Variants in SOX13 observed in about 807,000 individuals in gnomAD.
SOX13 encodes transcription factor SOX-13.
In SOX13, 28 loss-of-function variants were observed where a neutral mutation model predicts 71.8. That is an observed-to-expected ratio of 0.39 (90% CI 0.29 to 0.53). The LOEUF is 0.53. Ranked by LOEUF, SOX13 falls within the 20% of genes least tolerant of loss-of-function variation. The pLI, the probability that SOX13 is intolerant of heterozygous loss-of-function variation, is 0.70. For synonymous variants in SOX13, 309 were observed against 317.8 expected (o/e 0.97, Z 0.29); for missense variants, 627 against 810.3 (o/e 0.77, Z 2.75).
At position 204,114,368 on chromosome 1, in the gene SOX13, A is replaced by G; in HGVS notation, c.267A>G (p.Pro89=). ...ATGGGTCCCCAGAACCCAAGAGACC[A>G]GGAGTGTCGGAGGCTGCCTCTGGAA... The part of the protein sequence containing the change: ...EGNGSPEPKR[P]GVSEAASGSQ... Residue 89 remains proline, a synonymous_variant, in exon 3 of 14, where the codon CCA becomes CCG. Transcript: ENST00000367204. 1 of 1,612,206 alleles carries G rather than the reference A, an allele frequency of 6.2e-7. No individual in the cohort carries two copies. Among genetic ancestry groups the G allele is most frequent in the Non-Finnish European group, 8.5e-7 (1 of 1,179,158 alleles).
intron 1 of SOX13, among the ~76,000 whole-genome samples, chr1:204,110,590 T>G (rs1412912116): frequency 6.6e-6 from 1 of 152,128 alleles, no homozygotes; most frequent in Non-Finnish European, 1.5e-5. Flanking sequence ...ATATTTTTGA[T>G]CTGAGGTTGG....
At chr1:204,122,643 G>A in intron 9 of SOX13, 1 of 602,678 alleles carries the variant, frequency 1.7e-6, no homozygotes, top group Non-Finnish European at 3.0e-6. Flanking sequence ...GTCATTTCTA[G>A]TCTATTGACA....
Position 204,081,767 on chromosome 1 carries a change from G to A in SOX13, c.-2+8056G>A, listed in dbSNP as rs1655911792. Among the ~76,000 whole-genome samples the A allele has an allele frequency of 6.6e-6, 1 of 152,160 alleles. No homozygotes were observed. The highest frequency in any genetic ancestry group is 1.5e-5 in the Non-Finnish European group (1 of 68,024). ...GGGGTATGAGGTCCCCCACCCTCAT[G>A]CGAACAACCTCTCCCCACCCTCCAG... is the stretch of plus-strand genomic sequence containing the variant. On this transcript the variant is annotated intron_variant, in intron 1 of 13. Transcript: ENST00000367204. This position sits in a 1 kb window ranked among gnomAD's most constrained non-coding sequence, Gnocchi z 4.3.
chr1:204,115,664 T>C (rs1283278606), intron 4 of SOX13, among the ~76,000 whole-genome samples: 3 of 129,484 alleles, frequency 2.3e-5, no homozygotes, highest in Non-Finnish European at 3.3e-5. Context: ...CTTCTTTTTT[T>C]TTTTTTTTTT....
At chr1:204,125,836 G>T (rs367714624) in intron 13 of SOX13, 22 bp from the exon 14 acceptor site, 1 of 1,600,380 alleles carries the variant, frequency 6.2e-7, no homozygotes. Context: ...ATCCATCACC[G>T]TTCCCCTTCT....
chr1:204,111,311 A>C (rs759545196), intron 1 of SOX13, among the ~76,000 whole-genome samples: 15 of 152,230 alleles, frequency 9.9e-5, no homozygotes, highest in Non-Finnish European at 4.4e-5. Flanking sequence ...AGTACAGAGC[A>C]GCTAAGCAAC....
intron 7 of SOX13, among the ~76,000 whole-genome samples, chr1:204,121,497 T>C (rs976764360): frequency 2.0e-5 from 3 of 152,230 alleles, no homozygotes; most frequent in Non-Finnish European, 4.4e-5. Flanking sequence ...ACATACCATG[T>C]ATTATTGTCA....
Position 204,124,294 on chromosome 1 carries a change from T to C in SOX13, c.1376-347T>C, listed in dbSNP as rs575589475. ...TCTGTCAACTGAGACATCAGGTATTTTGTCCTGAGCAGGGAGCCTGTCTGG... is the reference window on the plus strand; with the variant it reads ...TCTGTCAACTGAGACATCAGGTATTCTGTCCTGAGCAGGGAGCCTGTCTGG... On this transcript the variant is annotated intron_variant, in intron 12 of 13. Coordinates refer to ENST00000367204, the MANE Select transcript of SOX13 (RefSeq NM_005686.3). Among the ~76,000 whole-genome samples, 8 of 152,332 alleles carry C rather than the reference T, an allele frequency of 5.3e-5. No homozygotes were observed. In the East Asian group the frequency reaches 1.2e-3, roughly 22 times the overall value.
Position 204,114,510 on chromosome 1 carries a change from G to C in SOX13, c.332-9G>C, listed in dbSNP as rs1223362968. The C allele has an allele frequency of 6.2e-7, 1 of 1,613,320 alleles. No individual in the cohort carries two copies. The highest frequency in any genetic ancestry group is 1.7e-5 in the Admixed American group (1 of 60,020). On this transcript the variant is annotated splice_polypyrimidine_tract_variant and intron_variant, in intron 3 of 13. Coordinates refer to ENST00000367204, the MANE Select transcript of SOX13 (RefSeq NM_005686.3). The stretch of plus-strand genomic sequence containing the variant: ...GACGGTTATTCCTCACCCCTTTGCT[G>C]TCTTCCAGTGGTGCCAGCCATAGAG...
intron 1 of SOX13, among the ~76,000 whole-genome samples, chr1:204,079,886 GCCT>G (rs71568016): frequency 0.095 from 14,424 of 152,152 alleles, 793 homozygotes; most frequent in Non-Finnish European, 0.12. Flanking sequence ...GGTTTCCCCT[GCCT>G]CCTCCTAAGG....
chr1:204,110,041 A>G (rs893830968), intron 1 of SOX13, among the ~76,000 whole-genome samples: 1 of 151,858 alleles, frequency 6.6e-6, no homozygotes, highest in Non-Finnish European at 1.5e-5. Flanking sequence ...CATGTTGGTC[A>G]GGCTGGTCTC....
chr1:204,105,479 C>T (rs1434374542), intron 1 of SOX13, among the ~76,000 whole-genome samples: 2 of 148,796 alleles, frequency 1.3e-5, no homozygotes, highest in African/African-American at 2.5e-5. Context: ...AATCTTGGCT[C>T]ACTGCAACCT....
chr1:204,115,833 A>AT (rs1656681785), intron 4 of SOX13, among the ~76,000 whole-genome samples: 1 of 150,946 alleles, frequency 6.6e-6, no homozygotes, highest in African/African-American at 2.4e-5. Context: ...TACCCGGCTA[A>AT]TTTTTGCATT....
intron 1 of SOX13, among the ~76,000 whole-genome samples, chr1:204,100,674 G>A (rs1348347849): frequency 1.3e-5 from 2 of 152,120 alleles, no homozygotes; most frequent in Non-Finnish European, 2.9e-5. Context: ...AATGGGAGAG[G>A]AAACGCAGCC....
At chr1:204,097,420 A>C in intron 1 of SOX13, among the ~76,000 whole-genome samples, 1 of 152,172 alleles carries the variant, frequency 6.6e-6, no homozygotes, top group South Asian at 2.1e-4. Context: ...GGCCGGGCTC[A>C]GTGGCTTATT....
At position 204,081,446 on chromosome 1, in the gene SOX13, G is replaced by C. The variant is rs981259334; in HGVS notation, c.-2+7735G>C. Among the ~76,000 whole-genome samples, 1 of 152,240 alleles carries C rather than the reference G, an allele frequency of 6.6e-6. No individual in the cohort carries two copies. The highest frequency in any genetic ancestry group is 1.5e-5 in the Non-Finnish European group (1 of 68,046). On this transcript the variant is annotated intron_variant, in intron 1 of 13. Transcript: ENST00000367204. The surrounding 1 kb of genome is among the most constrained non-coding windows in gnomAD (Gnocchi z 4.3). ...TAAGAGGGGATGTGGCAGGAAGAGT[G>C]GTTGTGCAAATGTGTCAGACTGGGC...
intron 1 of SOX13, among the ~76,000 whole-genome samples, chr1:204,111,268 T>TA (rs1332838512): frequency 6.6e-6 from 1 of 152,222 alleles, no homozygotes; most frequent in Non-Finnish European, 1.5e-5. Flanking sequence ...TAGAGACTCT[T>TA]ACCATGCTCA....
chr1:204,108,923 A>T (rs552624078), intron 1 of SOX13, among the ~76,000 whole-genome samples: 3 of 152,310 alleles, frequency 2.0e-5, no homozygotes, highest in African/African-American at 7.2e-5. Flanking sequence ...ATTAATTCAC[A>T]GCTTGAGCCC....
chr1:204,114,537 A>G lies in SOX13; in HGVS notation c.350A>G (p.Lys117Arg). The change falls in exon 4 of 14, where the codon AAG becomes AGG. Residue 117 changes from lysine to arginine, a missense_variant. Coordinates refer to ENST00000367204, the MANE Select transcript of SOX13 (RefSeq NM_005686.3). ...CTTCCAGTGGTGCCAGCCATAGAGA[A>G]GCTGTTGTCCAGTGACTGGAAGGAG... is the stretch of plus-strand genomic sequence containing the variant. The part of the protein sequence containing the change: ...NLKEVVPAIE[K>R]LLSSDWKERF... 3.1e-6 allele frequency: 5 copies of G among 1,613,854 alleles called. No individual in the cohort carries two copies. The highest frequency in any genetic ancestry group is 4.2e-6 in the Non-Finnish European group (5 of 1,179,786).
Sources: allele counts gnomAD v4.1 joint callset (sites outside exome capture counted in the v4.1 genomes callset), GRCh38; gene constraint gnomAD v4.1.1; non-coding constraint Gnocchi (gnomAD v3.1); transcripts MANE v1.5; gene names NCBI Gene and HGNC (gene_info 2026-07-23, HGNC 2026-07-21).